Variants in RGPD2 observed in about 807,000 individuals in gnomAD.
RGPD2 encodes RANBP2-like and GRIP domain-containing protein 2.
In RGPD2, 2 loss-of-function variants were observed where a neutral mutation model predicts 36.0. The ratio of observed to expected loss-of-function variants is 0.06; its 90% CI spans 0.02 to 0.17. The LOEUF (loss-of-function observed/expected upper bound fraction) is 0.17, where lower values mean the gene tolerates loss of function less well. Among genes scored for constraint, RGPD2 ranks in the 10% least tolerant of loss-of-function variants. RGPD2 has a pLI of 1.00. For synonymous variants in RGPD2, 19 were observed against 163.8 expected (o/e 0.12, Z 6.75); for missense variants, 40 against 464.3 (o/e 0.09, Z 8.40).
chr2:87,864,320 G>C, the RGPD2 span, among the ~76,000 whole-genome samples: 27 of 152,264 alleles, frequency 1.8e-4, no homozygotes, highest in Non-Finnish European at 3.7e-4. Flanking sequence ...GTGAACATAA[G>C]TGCTCTGGTT....
At chr2:87,942,664 G>A in the RGPD2 span, among the ~76,000 whole-genome samples, 1 of 148,532 alleles carries the variant, frequency 6.7e-6, no homozygotes, top group Non-Finnish European at 1.5e-5. Context: ...ATAAATTACT[G>A]TTAACCATAT....
the RGPD2 span, among the ~76,000 whole-genome samples, chr2:87,884,154 A>G: frequency 6.6e-6 from 1 of 152,112 alleles, no homozygotes; most frequent in South Asian, 2.1e-4. Flanking sequence ...GTCATGGAAA[A>G]TTCACAAATA....
At chr2:87,842,400 T>C in the RGPD2 span, among the ~76,000 whole-genome samples, 124 of 150,016 alleles carry the variant, frequency 8.3e-4, no homozygotes, top group Non-Finnish European at 1.6e-3. Flanking sequence ...ATCGCAAGCA[T>C]TCTTATACAC....
chr2:87,937,476 G>T, the RGPD2 span, among the ~76,000 whole-genome samples: 1 of 151,810 alleles, frequency 6.6e-6, no homozygotes, highest in Admixed American at 6.6e-5. Flanking sequence ...TTCTGGTGAA[G>T]CCTCAGGAAA....
the RGPD2 span, among the ~76,000 whole-genome samples, chr2:87,869,818 G>T: frequency 1.3e-4 from 20 of 152,000 alleles, no homozygotes; most frequent in Non-Finnish European, 1.3e-4. Flanking sequence ...AGAAGTTAAC[G>T]TAATACAGTA....
the RGPD2 span, among the ~76,000 whole-genome samples, chr2:87,876,668 G>T: frequency 1.3e-5 from 2 of 152,286 alleles, no homozygotes; most frequent in Non-Finnish European, 2.9e-5. Context: ...GCAATGAGAA[G>T]TATGTATATT....
At chr2:87,830,218 C>T (rs1483218725), upstream of RGPD2, among the ~76,000 whole-genome samples, 4 of 152,188 alleles carry the variant, frequency 2.6e-5, no homozygotes, top group East Asian at 3.9e-4. Context: ...CAGCTCTGCC[C>T]CTGAGACTTT....
the RGPD2 span, among the ~76,000 whole-genome samples, chr2:87,970,260 A>C: frequency 6.6e-6 from 1 of 152,046 alleles, no homozygotes; most frequent in Non-Finnish European, 1.5e-5. Context: ...AAAAGTTCTT[A>C]CAACATAATC....
chr2:87,985,989 T>G, the RGPD2 span: 1 of 1,111,722 alleles, frequency 9.0e-7, no homozygotes, highest in Non-Finnish European at 1.3e-6. Context: ...AACCAAGTTT[T>G]TTTAACTTCT....
upstream of RGPD2, among the ~76,000 whole-genome samples, chr2:87,830,236 A>G (rs1200525573): frequency 6.6e-6 from 1 of 152,270 alleles, no homozygotes; most frequent in Non-Finnish European, 1.5e-5. Context: ...TTTGCAGGGT[A>G]CAGGCTCTCT....
the RGPD2 span, among the ~76,000 whole-genome samples, chr2:87,989,408 C>T: frequency 2.0e-5 from 3 of 151,838 alleles, no homozygotes; most frequent in African/African-American, 7.3e-5. Flanking sequence ...GAGTCACCAT[C>T]ATCAAAAGGA....
the RGPD2 span, among the ~76,000 whole-genome samples, chr2:87,841,306 C>G: frequency 3.3e-5 from 5 of 151,966 alleles, no homozygotes; most frequent in South Asian, 2.1e-4. Context: ...CCCTTGAGGC[C>G]GACTCTGAAG....
the RGPD2 span, among the ~76,000 whole-genome samples, chr2:87,976,246 G>A: frequency 6.6e-6 from 1 of 151,712 alleles, no homozygotes; most frequent in Admixed American, 6.6e-5. Flanking sequence ...AGCAAAAAGT[G>A]TACTCCAATC....
chr2:87,885,499 A>G, the RGPD2 span, among the ~76,000 whole-genome samples: 4 of 151,760 alleles, frequency 2.6e-5, no homozygotes, highest in Non-Finnish European at 5.9e-5. Flanking sequence ...AGTCCTAGCC[A>G]GAGCAATTAG....
the RGPD2 span, among the ~76,000 whole-genome samples, chr2:87,913,422 T>C: frequency 1.3e-5 from 2 of 151,782 alleles, no homozygotes; most frequent in Non-Finnish European, 2.9e-5. Context: ...AGGGATAGCA[T>C]TGGGAGATAT....
the RGPD2 span, among the ~76,000 whole-genome samples, chr2:87,855,243 T>C: frequency 6.6e-6 from 1 of 152,170 alleles, no homozygotes; most frequent in African/African-American, 2.4e-5. Context: ...TGTGTAAATA[T>C]CAAGAAGTGT....
intron 1 of RGPD2, chr2:87,824,976 T>C (rs956979722): frequency 4.6e-5 from 18 of 389,864 alleles, no homozygotes; most frequent in Non-Finnish European, 7.3e-5. Context: ...TGGCCCACCA[T>C]AATTGCCCCC....
chr2:87,983,918 G>A, the RGPD2 span, among the ~76,000 whole-genome samples: 3 of 152,226 alleles, frequency 2.0e-5, no homozygotes, highest in Admixed American at 2.0e-4. Context: ...GGTGAGCAAG[G>A]GCTAGGTCAC....
chr2:87,847,239 GACATACCATTGTGTTTT>G, the RGPD2 span, among the ~76,000 whole-genome samples: 1 of 152,118 alleles, frequency 6.6e-6, no homozygotes, highest in South Asian at 2.1e-4. Context: ...ATATTTGGAT[GACATACCATTGTGTTTT>G]ATTTTCTAGA....
Sources: allele counts gnomAD v4.1 joint callset (sites outside exome capture counted in the v4.1 genomes callset), GRCh38; gene constraint gnomAD v4.1.1; transcripts MANE v1.5; gene names NCBI Gene and HGNC (gene_info 2026-07-23, HGNC 2026-07-21).